Variants in NFIA observed in about 807,000 individuals in gnomAD.
The protein encoded by NFIA is nuclear factor 1 A-type.
NFIA carries 8 observed loss-of-function variants against 62.8 expected under a neutral mutation model. The observed-to-expected ratio is 0.13, with a 90% CI of 0.07 to 0.23. The LOEUF is 0.23. Ranked by LOEUF, NFIA falls within the 10% of genes least tolerant of loss-of-function variation. NFIA has a pLI of 1.00. For missense variants in NFIA, 410 were observed against 642.1 expected (o/e 0.64, Z 3.91); for synonymous variants, 235 against 238.1 (o/e 0.99, Z 0.12).
At chr1:61,175,978 G>A (rs1046656996) in intron 2 of NFIA, among the ~76,000 whole-genome samples, 3 of 152,188 alleles carry the variant, frequency 2.0e-5, no homozygotes, top group African/African-American at 4.8e-5. Flanking sequence ...CTTTCTGCAC[G>A]AGACCCCATC....
At chr1:61,445,037 T>C (rs796710416) in intron 10 of NFIA, among the ~76,000 whole-genome samples, 16 of 152,340 alleles carry the variant, frequency 1.1e-4, no homozygotes, top group African/African-American at 3.8e-4. Context: ...AGAATGATTT[T>C]GTACGCATGC....
At chr1:61,306,544 C>T (rs1219551234) in intron 3 of NFIA, among the ~76,000 whole-genome samples, 2 of 152,014 alleles carry the variant, frequency 1.3e-5, no homozygotes, top group Non-Finnish European at 1.5e-5. Context: ...CAAAGTGCTG[C>T]TAGATTTTGT....
At chr1:61,321,933 C>T (rs187801419) in intron 3 of NFIA, among the ~76,000 whole-genome samples, 1 of 152,274 alleles carries the variant, frequency 6.6e-6, no homozygotes, top group East Asian at 1.9e-4. Flanking sequence ...TTAAATGCTA[C>T]CCTTCCTTTA....
At chr1:61,157,292 C>G (rs1648884792) in intron 2 of NFIA, among the ~76,000 whole-genome samples, 1 of 152,134 alleles carries the variant, frequency 6.6e-6, no homozygotes, top group East Asian at 1.9e-4. Flanking sequence ...TAAGTTCCTT[C>G]ACTTTGTAGC....
intron 10 of NFIA, among the ~76,000 whole-genome samples, chr1:61,430,792 A>AT (rs1417910378): frequency 6.6e-6 from 1 of 152,092 alleles, no homozygotes; most frequent in Non-Finnish European, 1.5e-5. Flanking sequence ...TTGTTCGAAC[A>AT]TTCCTGCCGA....
At chr1:61,340,964 G>A (rs371548414) in intron 4 of NFIA, among the ~76,000 whole-genome samples, 6 of 151,696 alleles carry the variant, frequency 4.0e-5, no homozygotes, top group Non-Finnish European at 7.4e-5. Flanking sequence ...AGGATATCTC[G>A]TGGATAGCAG....
intron 2 of NFIA, among the ~76,000 whole-genome samples, chr1:61,266,097 T>A (rs1195892192): frequency 6.6e-6 from 1 of 152,174 alleles, no homozygotes; most frequent in East Asian, 1.9e-4. Context: ...GAACCTTTGC[T>A]GAACACCTAA....
At chr1:61,366,202 G>A (rs1663576208) in intron 6 of NFIA, among the ~76,000 whole-genome samples, 1 of 152,146 alleles carries the variant, frequency 6.6e-6, no homozygotes, top group African/African-American at 2.4e-5. Flanking sequence ...GGTCCAGTGG[G>A]CTTCATGGAT....
In NFIA at chr1:61,306,797, C is replaced by T. The variant is rs970348230; in HGVS notation, c.626-25715C>T. ...GCCTTGGAGTCCTGGAGGAGTTATT[C>T]TATAGGAACAGCAAATCCATGCACA... On this transcript the variant is annotated intron_variant, in intron 3 of 10. Coordinates refer to ENST00000403491, the MANE Select transcript of NFIA (RefSeq NM_001134673.4). Among the ~76,000 whole-genome samples the T allele has an allele frequency of 1.6e-4, 24 of 152,228 alleles. No homozygotes were observed. The South Asian group carries it at 1.9e-3, about 12-fold the overall frequency.
chr1:61,293,175 C>G (rs1371502874), intron 3 of NFIA, among the ~76,000 whole-genome samples: 2 of 152,212 alleles, frequency 1.3e-5, no homozygotes, highest in African/African-American at 2.4e-5. Context: ...CTCCCTCCCT[C>G]TCTTCTCTGA....
chr1:61,349,705 G>T (rs1330922450), intron 4 of NFIA, among the ~76,000 whole-genome samples: 2 of 151,980 alleles, frequency 1.3e-5, no homozygotes, highest in Non-Finnish European at 2.9e-5. Context: ...CTCCTAAGTA[G>T]CTGGGACTAC....
intron 10 of NFIA, among the ~76,000 whole-genome samples, chr1:61,428,382 A>C (rs1275256619): frequency 7.4e-6 from 1 of 135,940 alleles, no homozygotes; most frequent in African/African-American, 2.7e-5. Flanking sequence ...CTGGAACTGA[A>C]TTTTTTTTTT....
At chr1:61,442,205 G>A (rs931030103) in intron 10 of NFIA, among the ~76,000 whole-genome samples, 3 of 152,018 alleles carry the variant, frequency 2.0e-5, no homozygotes, top group South Asian at 2.1e-4. Context: ...TACTCCTCCC[G>A]GTGCCAGATT....
At chr1:61,126,468 A>ACACACT (rs1272601859) in intron 2 of NFIA, among the ~76,000 whole-genome samples, 1 of 151,674 alleles carries the variant, frequency 6.6e-6, no homozygotes, top group African/African-American at 2.4e-5. Flanking sequence ...ACACACACAC[A>ACACACT]CACACACTCA....
chr1:61,082,860 G>A, intron 1 of NFIA, 42 bp downstream of exon 1: 2 of 1,541,440 alleles, frequency 1.3e-6, no homozygotes, highest in Non-Finnish European at 1.8e-6. Context: ...GGGCCGGGGC[G>A]CCGGGGGCAG....
chr1:61,210,114 G>C (rs1178364066), intron 2 of NFIA, among the ~76,000 whole-genome samples: 1 of 152,168 alleles, frequency 6.6e-6, no homozygotes, highest in Non-Finnish European at 1.5e-5. Flanking sequence ...AAAGTGTATA[G>C]ACATAAAAAC....
At chr1:61,450,494 C>T (rs1469853784) in intron 10 of NFIA, among the ~76,000 whole-genome samples, 1 of 152,192 alleles carries the variant, frequency 6.6e-6, no homozygotes, top group Non-Finnish European at 1.5e-5. Flanking sequence ...GAATGCACAA[C>T]AGCGACAGCA....
chr1:61,373,556 T>C (rs1168186253), intron 6 of NFIA, among the ~76,000 whole-genome samples: 2 of 152,066 alleles, frequency 1.3e-5, no homozygotes, highest in Admixed American at 1.3e-4. Flanking sequence ...ATTTTATCCA[T>C]AGGACCCTTA....
At chr1:61,085,695 A>G (rs1043153889) in intron 1 of NFIA, among the ~76,000 whole-genome samples, 4 of 152,268 alleles carry the variant, frequency 2.6e-5, no homozygotes, top group South Asian at 2.1e-4. Flanking sequence ...GAAAAAATCA[A>G]TACTTTAATT....
Sources: gnomAD v4.1 joint callset for allele counts (sites outside exome capture counted in the v4.1 genomes callset) on GRCh38, gnomAD v4.1.1 for gene constraint, MANE v1.5 for transcripts, NCBI Gene and HGNC (gene_info 2026-07-23, HGNC 2026-07-21) for gene names.